ATRNL1: variants seen among roughly 807,000 people sequenced by gnomAD.
ATRNL1 encodes attractin-like protein 1.
In ATRNL1, 95 loss-of-function variants were observed where a neutral mutation model predicts 182.7. That is an observed-to-expected ratio of 0.52 (90% confidence interval 0.44 to 0.62). ATRNL1 has a LOEUF of 0.62. Among genes scored for constraint, ATRNL1 ranks in the 20% least tolerant of loss-of-function variants. The probability of loss-of-function intolerance (pLI) is 0.00; values close to 1 mark genes in which losing one functional copy is unlikely to be tolerated. For missense variants in ATRNL1, 1,471 were observed against 1,679.5 expected (o/e 0.88, Z 2.17); for synonymous variants, 576 against 568.3 (o/e 1.01, Z -0.19).
intron 1 of ATRNL1, 98 bp downstream of exon 1, chr10:115,094,141 CTCTGA>C: frequency 1.7e-6 from 2 of 1,183,588 alleles, no homozygotes; most frequent in African/African-American, 1.6e-5. Context: ...CCGTCGCTGC[CTCTGA>C]TCCCCCGGCC....
At chr10:115,635,203 C>G (rs1223907696) in intron 26 of ATRNL1, among the ~76,000 whole-genome samples, 2 of 151,088 alleles carry the variant, frequency 1.3e-5, no homozygotes, top group African/African-American at 4.9e-5. Context: ...AGTGAAAAAA[C>G]AAGCAATGGA....
chr10:115,810,401 G>A (rs782481783), intron 27 of ATRNL1, among the ~76,000 whole-genome samples: 6 of 151,920 alleles, frequency 3.9e-5, no homozygotes, highest in Non-Finnish European at 7.4e-5. Context: ...ATTGCCCACT[G>A]AAGCTGCCTA....
intron 27 of ATRNL1, among the ~76,000 whole-genome samples, chr10:115,734,384 T>C (rs1167052759): frequency 6.6e-6 from 1 of 152,162 alleles, no homozygotes; most frequent in Non-Finnish European, 1.5e-5. Context: ...TTACCTTCTT[T>C]CTTTTAATCA....
chr10:115,921,615 C>T (rs1322629801), intron 28 of ATRNL1, among the ~76,000 whole-genome samples: 1 of 152,180 alleles, frequency 6.6e-6, no homozygotes, highest in Admixed American at 6.5e-5. Flanking sequence ...TTAGCTGTAG[C>T]TCTTCTTCTT....
intron 25 of ATRNL1, among the ~76,000 whole-genome samples, chr10:115,533,902 A>G (rs1253727678): frequency 1.3e-5 from 2 of 149,744 alleles, no homozygotes; most frequent in Non-Finnish European, 3.0e-5. Context: ...GTTTCCATGT[A>G]GTTGAGCGGT....
chr10:115,789,038 G>A (rs1165370166), intron 27 of ATRNL1, among the ~76,000 whole-genome samples: 1 of 152,206 alleles, frequency 6.6e-6, no homozygotes, highest in Admixed American at 6.5e-5. Context: ...TGTGGGGAAA[G>A]CCACTTGTGT....
chr10:115,878,113 A>G (rs1455727802), intron 28 of ATRNL1, among the ~76,000 whole-genome samples: 2 of 152,196 alleles, frequency 1.3e-5, no homozygotes. Flanking sequence ...CTGCAGATCT[A>G]GTTTGAAGAT....
At chr10:115,830,741 AG>A (rs1950540732) in intron 27 of ATRNL1, among the ~76,000 whole-genome samples, 1 of 152,158 alleles carries the variant, frequency 6.6e-6, no homozygotes, top group Admixed American at 6.5e-5. Context: ...GTCACAATCG[AG>A]CTTTTCCTCT....
chr10:115,692,513 T>C (rs1008088987), intron 26 of ATRNL1, among the ~76,000 whole-genome samples: 4 of 152,196 alleles, frequency 2.6e-5, no homozygotes, highest in Middle Eastern at 3.4e-3. Context: ...CCTTAAAAGT[T>C]TAACTTGACA....
intron 28 of ATRNL1, among the ~76,000 whole-genome samples, chr10:115,871,305 C>T (rs1555106010): frequency 6.6e-6 from 1 of 150,780 alleles, no homozygotes; most frequent in African/African-American, 2.4e-5. Context: ...CCAGATATAA[C>T]AATGACAATG....
chr10:115,599,053 T>G (rs1856440690), intron 26 of ATRNL1, among the ~76,000 whole-genome samples: 1 of 152,232 alleles, frequency 6.6e-6, no homozygotes, highest in Non-Finnish European at 1.5e-5. Flanking sequence ...CACTGAGTTA[T>G]GCAGGTCTTC....
intron 27 of ATRNL1, among the ~76,000 whole-genome samples, chr10:115,779,038 T>C (rs1178341601): frequency 6.6e-6 from 1 of 152,212 alleles, no homozygotes; most frequent in African/African-American, 2.4e-5. Context: ...TATATTATTG[T>C]TCTTAAATTC....
At chr10:115,703,668 A>G (rs1471154506) in intron 26 of ATRNL1, among the ~76,000 whole-genome samples, 1 of 151,826 alleles carries the variant, frequency 6.6e-6, no homozygotes. Context: ...TAATATACAA[A>G]CATATATGTA....
intron 13 of ATRNL1, among the ~76,000 whole-genome samples, chr10:115,272,502 C>T (rs1354018250): frequency 5.3e-5 from 8 of 152,096 alleles, no homozygotes; most frequent in African/African-American, 1.9e-4. Flanking sequence ...TTATTCCTTC[C>T]TCTGGAATTA....
chr10:115,718,576 ACT>A (rs1234684038), intron 26 of ATRNL1, among the ~76,000 whole-genome samples: 3 of 151,864 alleles, frequency 2.0e-5, no homozygotes, highest in African/African-American at 7.3e-5. Flanking sequence ...AGTTTTTAAG[ACT>A]CTCCTAGATA....
intron 24 of ATRNL1, among the ~76,000 whole-genome samples, chr10:115,479,133 T>G (rs1554973656): frequency 6.6e-6 from 1 of 151,614 alleles, no homozygotes; most frequent in African/African-American, 2.4e-5. Flanking sequence ...TATAAAGATG[T>G]TTGAGGAATA....
chr10:115,211,445 A>G (rs1243718643), intron 8 of ATRNL1, among the ~76,000 whole-genome samples: 1 of 151,112 alleles, frequency 6.6e-6, no homozygotes, highest in East Asian at 2.0e-4. Context: ...TTGTCATTTC[A>G]CTCTGGCTGC....
intron 18 of ATRNL1, among the ~76,000 whole-genome samples, chr10:115,333,586 C>T (rs1457560221): frequency 1.3e-5 from 2 of 150,554 alleles, no homozygotes; most frequent in Admixed American, 6.7e-5. Flanking sequence ...CAGGTTCAAG[C>T]GAATTCTCCT....
chr10:115,569,048 A>G (rs1377293845), intron 26 of ATRNL1, among the ~76,000 whole-genome samples: 2 of 152,068 alleles, frequency 1.3e-5, no homozygotes, highest in African/African-American at 4.8e-5. Flanking sequence ...CTTGGCAATT[A>G]AAGGGTGACA....
Sources: allele counts gnomAD v4.1 joint callset (sites outside exome capture counted in the v4.1 genomes callset), GRCh38; gene constraint gnomAD v4.1.1; transcripts MANE v1.5; gene names NCBI Gene and HGNC (gene_info 2026-07-23, HGNC 2026-07-21).